The following MIA2 variants were observed in gnomAD, a reference collection of about 807,000 sequenced individuals.
MIA2 encodes the protein melanoma inhibitory activity protein 2.
A neutral mutation model predicts 167.8 loss-of-function variants in MIA2; 127 were observed. That is an observed-to-expected ratio of 0.76 (90% CI 0.66 to 0.88). The LOEUF is 0.88. Among genes scored for constraint, MIA2 ranks in the 40% least tolerant of loss-of-function variants. The probability of loss-of-function intolerance (pLI) is 0.00; values close to 1 mark genes in which losing one functional copy is unlikely to be tolerated. For synonymous variants in MIA2, 552 were observed against 541.9 expected, an observed-to-expected ratio of 1.02 and a Z score of -0.26; for missense variants, 1,690 against 1,624.7, an observed-to-expected ratio of 1.04 and a Z score of -0.69.
chr14:39,382,661 T>C (rs8007036), intron 23 of MIA2, among the ~76,000 whole-genome samples: 10,727 of 152,236 alleles, frequency 0.07, 458 homozygotes, highest in South Asian at 0.17. Context: ...AAGGTGAACA[T>C]AGAGTGGAGA....
intron 19 of MIA2, 129 bp from the exon 20 acceptor site, chr14:39,314,610 G>GTT (rs55732496): frequency 0.019 from 3,631 of 189,774 alleles, 174 homozygotes; most frequent in African/African-American, 0.066. Context: ...GAGTTCTGGA[G>GTT]TTTTTTTTTT....
chr14:39,347,689 T>G, intron 26 of MIA2, 24 bp from the exon 27 acceptor site: 2 of 1,607,484 alleles, frequency 1.2e-6, no homozygotes, highest in Non-Finnish European at 1.7e-6. Context: ...CATGTACTTT[T>G]CATGGTTTAA....
In MIA2 at chr14:39,293,358, A is replaced by G; in HGVS notation, c.2296A>G (p.Lys766Glu). The change falls in exon 11 of 29, where the codon AAA (lysine) becomes GAA (glutamate). Residue 766 changes from lysine to glutamate, a missense_variant. Physicochemically the swap from Lys to Glu is moderately conservative, Grantham distance 56. Transcript: ENST00000640607. ...AAAAGAGTTAAAAGAAGAGAAATCC[A>G]AACATTCTGAACAAGATGAATTGGT... Reference protein sequence around the residue: ...LEKELKEEKSKHSEQDELMAD... With the variant: ...LEKELKEEKSEHSEQDELMAD... 6.3e-7 allele frequency: 1 copy of G among 1,599,082 alleles called. No homozygotes were observed. The highest frequency in any genetic ancestry group is 8.6e-7 in the Non-Finnish European group (1 of 1,167,738).
chr14:39,334,898 C>G (rs1408916191), intron 25 of MIA2, among the ~76,000 whole-genome samples: 1 of 152,076 alleles, frequency 6.6e-6, no homozygotes, highest in Admixed American at 6.6e-5. Context: ...ATTGCTATTA[C>G]TTTTTTGTGT....
intron 25 of MIA2, among the ~76,000 whole-genome samples, chr14:39,343,811 A>T (rs894705167): frequency 1.3e-5 from 2 of 152,060 alleles, no homozygotes. Context: ...ATATGTGCAT[A>T]TGAGGGTGTG....
intron 21 of MIA2, among the ~76,000 whole-genome samples, chr14:39,316,914 A>G (rs146700618): frequency 1.0e-3 from 157 of 152,250 alleles, no homozygotes; most frequent in African/African-American, 3.7e-3. Context: ...ATTAGAATGA[A>G]AACCACAAAC....
chr14:39,341,254 A>C (rs959566982), intron 25 of MIA2, among the ~76,000 whole-genome samples: 1 of 152,106 alleles, frequency 6.6e-6, no homozygotes, highest in Non-Finnish European at 1.5e-5. Flanking sequence ...GTGAGCTGAG[A>C]CCGCACCGTT....
chr14:39,300,993 CAT>C (rs2062367285), intron 14 of MIA2, among the ~76,000 whole-genome samples: 1 of 144,538 alleles, frequency 6.9e-6, no homozygotes, highest in African/African-American at 2.7e-5. Context: ...CATATATACA[CAT>C]ATATACATAT....
intron 17 of MIA2, 76 bp from the exon 18 acceptor site, chr14:39,308,373 A>G (rs758258953): frequency 2.2e-5 from 20 of 917,162 alleles, no homozygotes; most frequent in Non-Finnish European, 2.9e-5. Context: ...ATTTTTAGTA[A>G]TTTTTATCTT....
chr14:39,383,807 T>A (rs138382979), intron 23 of MIA2, among the ~76,000 whole-genome samples: 85 of 152,264 alleles, frequency 5.6e-4, no homozygotes, highest in Middle Eastern at 3.4e-3. Flanking sequence ...CAACATCTAA[T>A]CCAGAGCAAA....
At chr14:39,302,909 G>C (rs2062765221) in intron 15 of MIA2, among the ~76,000 whole-genome samples, 1 of 152,030 alleles carries the variant, frequency 6.6e-6, no homozygotes, top group Admixed American at 6.6e-5. Flanking sequence ...AGACTTTTAT[G>C]TCATTTTTCT....
chr14:39,239,729 T>C (rs1302625730), intron 2 of MIA2, among the ~76,000 whole-genome samples: 14 of 152,194 alleles, frequency 9.2e-5, no homozygotes, highest in Non-Finnish European at 2.9e-5. Flanking sequence ...GTGTTTAATG[T>C]GTGCAGCCAG....
chr14:39,280,778 T>G (rs566264084), intron 9 of MIA2, among the ~76,000 whole-genome samples: 1 of 152,052 alleles, frequency 6.6e-6, no homozygotes, highest in Non-Finnish European at 1.5e-5. Flanking sequence ...ACTGGCTGTT[T>G]TTATCATTTT....
At chr14:39,318,691 A>G (rs1451124028) in intron 22 of MIA2, among the ~76,000 whole-genome samples, 1 of 152,172 alleles carries the variant, frequency 6.6e-6, no homozygotes, top group African/African-American at 2.4e-5. Context: ...CATTTGTAGG[A>G]TAAAAAGTTT....
At chr14:39,309,662 G>A (rs989672130) in intron 18 of MIA2, among the ~76,000 whole-genome samples, 15 of 152,038 alleles carry the variant, frequency 9.9e-5, no homozygotes, top group Non-Finnish European at 1.9e-4. Context: ...ATTGTCCTCT[G>A]ATTGATTGCT....
chr14:39,374,608 C>T (rs536346188), intron 23 of MIA2, among the ~76,000 whole-genome samples: 1 of 151,884 alleles, frequency 6.6e-6, no homozygotes, highest in Non-Finnish European at 1.5e-5. Flanking sequence ...TTTGCTTAAC[C>T]AGGGCCAGTG....
chr14:39,243,479 A>T (rs1453474544), intron 3 of MIA2, among the ~76,000 whole-genome samples: 1 of 152,254 alleles, frequency 6.6e-6, no homozygotes, highest in Non-Finnish European at 1.5e-5. Context: ...TCTGAAAGTC[A>T]GATGAAAAGT....
In MIA2 at chr14:39,247,637, T is replaced by C. The variant is rs201958950; in HGVS notation, c.1063T>C (p.Cys355Arg). Residue 355 changes from cysteine to arginine, a missense_variant, in exon 4 of 29, where the codon TGT becomes CGT. Physicochemically the swap from Cys to Arg is radical, Grantham distance 180. Transcript: ENST00000640607. ...ATCTGATAAAGAAGCCACAGTTCCA[T>C]GTACAGAAATATTAACAGAAAAAAA... ...ISSDKEATVP[C>R]TEILTEKKDT... The C allele has an allele frequency of 1.4e-5, 22 of 1,611,958 alleles. No homozygotes were observed. Among genetic ancestry groups the C allele is most frequent in the Admixed American group, 8.4e-5 (5 of 59,476 alleles).
intron 3 of MIA2, among the ~76,000 whole-genome samples, chr14:39,244,369 A>G (rs2054195492): frequency 6.6e-6 from 1 of 152,160 alleles, no homozygotes. Context: ...TTTCAGGGGT[A>G]TTTCTGAGCC....
Sources: gnomAD v4.1 joint callset for allele counts (sites outside exome capture counted in the v4.1 genomes callset) on GRCh38, gnomAD v4.1.1 for gene constraint, MANE v1.5 for transcripts, NCBI Gene and HGNC (gene_info 2026-07-23, HGNC 2026-07-21) for gene names.